Variants in PDE4C observed in about 807,000 individuals in gnomAD.
PDE4C encodes the protein phosphodiesterase 4C.
In PDE4C, 50 loss-of-function variants were observed where a neutral mutation model predicts 63.9. The observed-to-expected ratio is 0.78, with a 90% CI of 0.62 to 0.99. PDE4C has a LOEUF of 0.99. Ranked by LOEUF, PDE4C falls within the 50% of genes least tolerant of loss-of-function variation. The probability of loss-of-function intolerance (pLI) is 0.00; values close to 1 mark genes in which losing one functional copy is unlikely to be tolerated. For synonymous variants in PDE4C, 377 were observed against 385.1 expected (o/e 0.98, Z 0.25); for missense variants, 777 against 899.1 (o/e 0.86, Z 1.74).
chr19:18,232,939 C>G lies in PDE4C; in HGVS notation c.242+11G>C, dbSNP rs919363987. On this transcript the variant is annotated intron_variant, in intron 1 of 14. Transcript: ENST00000594465. ...CCCGCGCTGCAGGAGGCCCCTGCCC[C>G]GGCCACCTACCGCCTGCAGGAGGAA... 30 of 1,444,660 alleles carry G rather than the reference C, an allele frequency of 2.1e-5. 1 individual carries two copies. In the Middle Eastern group the frequency reaches 2.6e-3, roughly 124 times the overall value. 89.5% of individuals were successfully genotyped at this position (1,444,660 alleles called of 1,614,324 possible).
At chr19:18,241,616 T>G (rs1470847886) in intron 1 of PDE4C, among the ~76,000 whole-genome samples, 14 of 151,780 alleles carry the variant, frequency 9.2e-5, no homozygotes, top group Admixed American at 6.6e-4. Flanking sequence ...AGTGGTGCAG[T>G]CTTAACTCAC....
downstream of PDE4C, chr19:18,210,089 T>C (rs1174657499): frequency 6.6e-6 from 1 of 152,470 alleles, no homozygotes; most frequent in Non-Finnish European, 1.5e-5. Context: ...GATGCAGTCA[T>C]AGCTCTCTTC....
chr19:18,233,453 G>T (rs780075783), exon 1 of PDE4C: 2 of 623,068 alleles, frequency 3.2e-6, no homozygotes, highest in Non-Finnish European at 2.8e-6. Flanking sequence ...TGAAGCTAGG[G>T]GCTGAAGAGA....
intron 11 of PDE4C, among the ~76,000 whole-genome samples, chr19:18,217,827 G>T (rs975001623): frequency 1.4e-4 from 21 of 152,116 alleles, no homozygotes; most frequent in Admixed American, 1.1e-3. Flanking sequence ...AACCTGGGAG[G>T]TAGAGGTTGC....
Position 18,220,434 on chromosome 19 carries a change from C to G in PDE4C, c.581G>C (p.Arg194Pro). The G allele has an allele frequency of 6.2e-7, 1 of 1,614,166 alleles. No individual in the cohort carries two copies. Among genetic ancestry groups the G allele is most frequent in the Non-Finnish European group, 8.5e-7 (1 of 1,180,024 alleles). The stretch of plus-strand genomic sequence containing the variant: ...GGAGGCCATCTCCCCCACCGAGTGC[C>G]GGGTCTGCAGCGTCTCCAACTGATC... The change falls in exon 6 of 15, where the codon CGG becomes CCG. Residue 194 changes from arginine to proline, a missense_variant. By Grantham distance (103) the Arg-to-Pro change is moderately radical. Transcript: ENST00000262805. The surrounding 1 kb of genome is among the most constrained non-coding windows in gnomAD (Gnocchi z 5.1).
chr19:18,244,713 T>G (rs976303758), intron 1 of PDE4C, among the ~76,000 whole-genome samples: 25 of 152,150 alleles, frequency 1.6e-4, no homozygotes, highest in African/African-American at 6.0e-4. Context: ...GGTTTCTCCA[T>G]GTCGATCAGG....
At chr19:18,212,207 A>G (rs1490724731) in intron 13 of PDE4C, among the ~76,000 whole-genome samples, 1 of 151,214 alleles carries the variant, frequency 6.6e-6, no homozygotes, top group Admixed American at 6.6e-5. Flanking sequence ...TTAATGAGTT[A>G]GGGTCTCACG....
upstream of PDE4C, among the ~76,000 whole-genome samples, chr19:18,229,151 T>C (rs533112331): frequency 6.9e-6 from 1 of 145,554 alleles, no homozygotes; most frequent in African/African-American, 2.6e-5. Context: ...GGTTTCACTA[T>C]ATTGGTCAGG....
chr19:18,208,480 C>T (rs1967784617), downstream of PDE4C: 1 of 151,250 alleles, frequency 6.6e-6, no homozygotes, highest in Admixed American at 6.6e-5. Flanking sequence ...ACCCACCCCC[C>T]AACCCCCGAC....
rs998123662 is a variant in PDE4C, at chr19:18,220,245, G to A, written c.687C>T (p.Tyr229=). 9 of 1,613,896 alleles carry A rather than the reference G, an allele frequency of 5.6e-6. No individual in the cohort carries two copies. The African/African-American group carries it at 9.3e-5, about 17-fold the overall frequency. Residue 229 remains tyrosine, a synonymous_variant, in exon 7 of 15, where the codon TAC becomes TAT. Transcript: ENST00000262805. The surrounding 1 kb of genome is among the most constrained non-coding windows in gnomAD (Gnocchi z 5.1). The stretch of plus-strand genomic sequence containing the variant: ...GCTCACCCAGGAAGGTCCGGGAGAT[G>A]TACTCGGACACCTGGTTCCCGGAGC...
chr19:18,252,616 C>CT (rs34071282), upstream of PDE4C: 7,607 of 282,288 alleles, frequency 0.027, no homozygotes, highest in East Asian at 0.031. Flanking sequence ...TTCTCTCTCT[C>CT]TTTTTTTTTT....
exon 1 of PDE4C, chr19:18,233,064 T>C: frequency 6.4e-7 from 1 of 1,570,436 alleles, no homozygotes; most frequent in Non-Finnish European, 8.6e-7. Context: ...GAAGCGCTGT[T>C]GGATGCGGAT....
At chr19:18,226,476 T>A (rs746543737), upstream of PDE4C, 3 of 1,302,688 alleles carry the variant, frequency 2.3e-6, no homozygotes, top group Non-Finnish European at 1.9e-6. Flanking sequence ...TCTGGACAGC[T>A]GCGGGGGCGG....
At chr19:18,254,006 A>G in the PDE4C span, among the ~76,000 whole-genome samples, 1 of 152,026 alleles carries the variant, frequency 6.6e-6, no homozygotes, top group Non-Finnish European at 1.5e-5. Context: ...AACACACAAC[A>G]CTGGCCCTGA....
chr19:18,221,049 T>TCCGCCAGGCCCCACC, intron 4 of PDE4C, 56 bp downstream of exon 4: 2 of 1,239,966 alleles, frequency 1.6e-6, no homozygotes, highest in Non-Finnish European at 2.3e-6. Flanking sequence ...CAGCCCGCTT[T>TCCGCCAGGCCCCACC]CCGCCCACCT....
upstream of PDE4C, among the ~76,000 whole-genome samples, chr19:18,226,712 C>A (rs1968743981): frequency 6.7e-6 from 1 of 149,644 alleles, no homozygotes; most frequent in South Asian, 2.1e-4. Flanking sequence ...CTCAAGGGAT[C>A]CTCCTACCTC....
chr19:18,249,312 T>A (rs1272671161), upstream of PDE4C, among the ~76,000 whole-genome samples: 2 of 152,090 alleles, frequency 1.3e-5, no homozygotes, highest in Non-Finnish European at 2.9e-5. Flanking sequence ...TCTCACTCTG[T>A]CACCCAGACT....
At chr19:18,254,189 G>A in the PDE4C span, among the ~76,000 whole-genome samples, 5 of 152,182 alleles carry the variant, frequency 3.3e-5, no homozygotes, top group Admixed American at 6.5e-5. Flanking sequence ...TGAGGTGACT[G>A]GGGAGCTGGG....
Position 18,211,090 on chromosome 19 carries a change from G to C in PDE4C, c.1882C>G (p.Leu628Val). 1.9e-6 allele frequency: 3 copies of C among 1,614,196 alleles called. No individual in the cohort carries two copies. The South Asian group carries it at 3.3e-5, about 18-fold the overall frequency. Residue 628 changes from leucine (L) to valine (V), a missense_variant, in exon 15 of 15, where the codon CTG (leucine) becomes GTG (valine). Leu to Val is a conservative substitution (Grantham distance 32, BLOSUM62 1). Around this residue, in one of 3 missense-constraint regions of PDE4C, gnomAD observed 500 missense variants for 597.8 expected, o/e 0.84. Transcript: ENST00000262805. Reference sequence around the variant, plus strand: ...TCTTCCTCTGCCTCCTCCAGAGTCAGTTCAAACTGGAATCTGTCAGGCCCG... The same window carrying C: ...TCTTCCTCTGCCTCCTCCAGAGTCACTTCAAACTGGAATCTGTCAGGCCCG...
Sources: gnomAD v4.1 joint callset for allele counts (sites outside exome capture counted in the v4.1 genomes callset) on GRCh38, gnomAD v4.1.1 for gene constraint, gnomAD v4.1.1 regional missense constraint, Gnocchi (gnomAD v3.1) non-coding constraint, MANE v1.5 for transcripts, NCBI Gene and HGNC (gene_info 2026-07-23, HGNC 2026-07-21) for gene names.